The following CDH8 variants were observed in gnomAD, a reference collection of about 807,000 sequenced individuals.
CDH8 encodes cadherin 8.
CDH8 carries 17 observed loss-of-function variants against 68.1 expected under a neutral mutation model. The observed-to-expected ratio is 0.25, with a 90% CI of 0.17 to 0.37. The LOEUF (loss-of-function observed/expected upper bound fraction) is 0.37. Ranked by LOEUF, CDH8 falls within the 10% of genes least tolerant of loss-of-function variation. The pLI is 1.00. For synonymous variants in CDH8, 372 were observed against 365.1 expected, an observed-to-expected ratio of 1.02 and a Z score of -0.21; for missense variants, 763 against 999.3, an observed-to-expected ratio of 0.76 and a Z score of 3.19.
intron 2 of CDH8, among the ~76,000 whole-genome samples, chr16:61,901,863 A>C (rs1159342690): frequency 6.6e-6 from 1 of 152,152 alleles, no homozygotes; most frequent in African/African-American, 2.4e-5. Flanking sequence ...ATCACTTCTC[A>C]TATAATCATA....
intron 8 of CDH8, among the ~76,000 whole-genome samples, chr16:61,754,004 A>C (rs908361081): frequency 1.3e-5 from 2 of 152,148 alleles, no homozygotes; most frequent in Admixed American, 1.3e-4. Context: ...TGCTACCCGT[A>C]AGAAATGAAT....
chr16:61,836,072 A>C (rs1962561935), intron 4 of CDH8, among the ~76,000 whole-genome samples: 1 of 152,012 alleles, frequency 6.6e-6, no homozygotes, highest in Non-Finnish European at 1.5e-5. Flanking sequence ...ACAAATTTTA[A>C]TTGAATTGAT....
At chr16:61,683,132 A>T (rs1472572604) in intron 10 of CDH8, among the ~76,000 whole-genome samples, 1 of 152,014 alleles carries the variant, frequency 6.6e-6, no homozygotes, top group African/African-American at 2.4e-5. Flanking sequence ...TATTTTTCAC[A>T]GTAAAAGTTA....
intron 10 of CDH8, among the ~76,000 whole-genome samples, chr16:61,696,800 G>A (rs1964335355): frequency 1.3e-5 from 2 of 152,154 alleles, no homozygotes; most frequent in South Asian, 2.1e-4. Context: ...AAACGTGGAT[G>A]CAGCTGGAGG....
chr16:61,710,394 C>T (rs757221304), intron 10 of CDH8, among the ~76,000 whole-genome samples: 6 of 151,916 alleles, frequency 3.9e-5, no homozygotes, highest in Admixed American at 6.6e-5. Context: ...TGAGGTAACA[C>T]GAGGCATGTT....
chr16:61,813,210 A>G (rs577776487), intron 7 of CDH8, among the ~76,000 whole-genome samples: 35 of 152,266 alleles, frequency 2.3e-4, no homozygotes, highest in African/African-American at 8.4e-4. Flanking sequence ...TATTTCCATT[A>G]TAATTGGTCC....
At chr16:62,007,682 T>C (rs1038341160) in intron 2 of CDH8, among the ~76,000 whole-genome samples, 1 of 152,114 alleles carries the variant, frequency 6.6e-6, no homozygotes, top group Non-Finnish European at 1.5e-5. Flanking sequence ...CTAAAAGAAA[T>C]TAGCCTGGGC....
intron 3 of CDH8, among the ~76,000 whole-genome samples, chr16:61,871,310 A>G (rs1402856036): frequency 6.6e-6 from 1 of 151,354 alleles, no homozygotes; most frequent in Non-Finnish European, 1.5e-5. Flanking sequence ...CCTCCCAAGT[A>G]GCTAGGATTA....
intron 10 of CDH8, among the ~76,000 whole-genome samples, chr16:61,682,009 C>A (rs573272215): frequency 6.6e-6 from 1 of 151,940 alleles, no homozygotes; most frequent in East Asian, 1.9e-4. Flanking sequence ...GAAGGATAAG[C>A]CCCTGAGATA....
intron 4 of CDH8, among the ~76,000 whole-genome samples, chr16:61,825,781 G>T (rs1419079492): frequency 1.7e-4 from 26 of 151,702 alleles, no homozygotes. Flanking sequence ...TCTTCTCTTT[G>T]TAAAAGTAGC....
chr16:61,861,953 G>T (rs1035780100), intron 3 of CDH8, among the ~76,000 whole-genome samples: 2 of 152,082 alleles, frequency 1.3e-5, no homozygotes, highest in African/African-American at 4.8e-5. Context: ...ATTTTAGATG[G>T]TAGTGAATGC....
chr16:61,794,003 G>T (rs1162753565), intron 7 of CDH8, among the ~76,000 whole-genome samples: 2 of 152,010 alleles, frequency 1.3e-5, no homozygotes, highest in African/African-American at 4.8e-5. Flanking sequence ...GGAATATACT[G>T]ATTTGAACAT....
At chr16:61,713,321 C>T (rs542660602) in intron 10 of CDH8, among the ~76,000 whole-genome samples, 2 of 151,668 alleles carry the variant, frequency 1.3e-5, no homozygotes, top group African/African-American at 4.8e-5. Flanking sequence ...TTCATATTAG[C>T]TCCAAAATAA....
intron 8 of CDH8, among the ~76,000 whole-genome samples, chr16:61,770,003 A>T (rs1056460111): frequency 6.6e-6 from 1 of 151,896 alleles, no homozygotes; most frequent in Non-Finnish European, 1.5e-5. Flanking sequence ...CACACTTAGT[A>T]GTATCAAGGA....
chr16:61,988,613 A>G (rs1006740865), intron 2 of CDH8, among the ~76,000 whole-genome samples: 2 of 152,222 alleles, frequency 1.3e-5, no homozygotes, highest in Non-Finnish European at 2.9e-5. Context: ...AAACAAAAAA[A>G]GGTACAAGTT....
At chr16:61,908,585 T>G (rs1442451178) in intron 2 of CDH8, among the ~76,000 whole-genome samples, 1 of 152,170 alleles carries the variant, frequency 6.6e-6, no homozygotes, top group Admixed American at 6.5e-5. Context: ...AATGGACCAT[T>G]CAAGAAACAT....
chr16:61,903,088 A>C (rs1321267317), intron 2 of CDH8, among the ~76,000 whole-genome samples: 1 of 152,226 alleles, frequency 6.6e-6, no homozygotes, highest in Non-Finnish European at 1.5e-5. Context: ...GAGACACAGA[A>C]GGGATCAGTA....
intron 2 of CDH8, among the ~76,000 whole-genome samples, chr16:62,010,358 G>A (rs1194304988): frequency 6.6e-6 from 1 of 152,070 alleles, no homozygotes; most frequent in Non-Finnish European, 1.5e-5. Context: ...ACCACATAAG[G>A]TTCAAATGAG....
Position 61,653,303 on chromosome 16 carries a change from C to T in CDH8, c.*305G>A. Reference sequence around the variant, plus strand: ...TTATGATTTTTTCCTCTATTTAAACCATTTATCTAAGGATTAGCCAGGATC... The same window carrying T: ...TTATGATTTTTTCCTCTATTTAAACTATTTATCTAAGGATTAGCCAGGATC... On this transcript the variant is annotated 3_prime_UTR_variant, in exon 12 of 12. Transcript: ENST00000577390. 8.4e-7 allele frequency: 1 copy of T among 1,187,500 alleles called. No homozygotes were observed. The highest frequency in any genetic ancestry group is 1.0e-6 in the Non-Finnish European group (1 of 962,092). The allele number at this position is 1,187,500 out of a possible 1,614,324, so 73.6% of individuals were successfully genotyped here.
Sources: gnomAD v4.1 joint callset for allele counts (sites outside exome capture counted in the v4.1 genomes callset) on GRCh38, gnomAD v4.1.1 for gene constraint, MANE v1.5 for transcripts, NCBI Gene and HGNC (gene_info 2026-07-23, HGNC 2026-07-21) for gene names.